SKAP2: variants seen among roughly 807,000 people sequenced by gnomAD.
The protein encoded by SKAP2 is src kinase-associated phosphoprotein 2.
Under a neutral mutation model 54.9 loss-of-function variants are expected in SKAP2, and 28 were observed. That is an observed-to-expected ratio of 0.51 (90% CI 0.38 to 0.70). SKAP2 has a LOEUF of 0.70. Ranked by LOEUF, SKAP2 falls within the 30% of genes least tolerant of loss-of-function variation. SKAP2 has a pLI of 0.00. For synonymous variants in SKAP2, 137 were observed against 134.3 expected, an observed-to-expected ratio of 1.02 and a Z score of -0.14; for missense variants, 356 against 424.1, an observed-to-expected ratio of 0.84 and a Z score of 1.41.
intron 4 of SKAP2, among the ~76,000 whole-genome samples, chr7:26,763,279 C>G (rs1308737677): frequency 6.6e-6 from 1 of 151,984 alleles, no homozygotes; most frequent in African/African-American, 2.4e-5. Context: ...TGAAAATGAT[C>G]TAGTAGCACC....
At chr7:26,823,244 G>A (rs538838130) in intron 4 of SKAP2, among the ~76,000 whole-genome samples, 3 of 152,028 alleles carry the variant, frequency 2.0e-5, no homozygotes, top group Middle Eastern at 6.8e-3. Context: ...TGTCCAACAT[G>A]GTGAAACCTC....
chr7:26,802,141 G>T (rs1161901775), intron 4 of SKAP2, among the ~76,000 whole-genome samples: 3 of 152,022 alleles, frequency 2.0e-5, no homozygotes, highest in African/African-American at 7.2e-5. Flanking sequence ...CATGGTACTG[G>T]CACAAAAACA....
intron 4 of SKAP2, among the ~76,000 whole-genome samples, chr7:26,827,298 T>C (rs1456263245): frequency 1.3e-5 from 2 of 152,146 alleles, no homozygotes; most frequent in Admixed American, 1.3e-4. Flanking sequence ...GCTTTTTAGG[T>C]ATGAAAAAGA....
chr7:26,663,754 G>A (rs1194415106), downstream of SKAP2, among the ~76,000 whole-genome samples: 1 of 152,086 alleles, frequency 6.6e-6, no homozygotes, highest in Non-Finnish European at 1.5e-5. Flanking sequence ...GCTTCACATT[G>A]GAGGAGGTGG....
chr7:26,862,145 C>T (rs1785285075), intron 1 of SKAP2, among the ~76,000 whole-genome samples: 1 of 151,976 alleles, frequency 6.6e-6, no homozygotes, highest in Non-Finnish European at 1.5e-5. Flanking sequence ...TAGTCATATA[C>T]TATTACCCAA....
chr7:26,758,972 A>G (rs1020244445), intron 4 of SKAP2, among the ~76,000 whole-genome samples: 17 of 152,226 alleles, frequency 1.1e-4, no homozygotes, highest in Admixed American at 6.5e-5. Context: ...GGCATTTATG[A>G]CAAATTTTCC....
At position 26,808,160 on chromosome 7, in the gene SKAP2, G is replaced by GC. The variant is rs555877472; in HGVS notation, c.307+35869_307+35870insG. On this transcript the variant is annotated intron_variant, in intron 4 of 12. Transcript: ENST00000345317. ...AATTAATACATCTGTATAGGGCTGTGGTCAAAAGTGTAGGCTCTGCAGTAT... is the reference window on the plus strand; with the variant it reads ...AATTAATACATCTGTATAGGGCTGTGCGTCAAAAGTGTAGGCTCTGCAGTAT... Among the ~76,000 whole-genome samples the GC allele has an allele frequency of 4.6e-4, 70 of 152,082 alleles. 1 individual carries two copies. The South Asian group carries it at 0.014, about 31-fold the overall frequency.
intron 9 of SKAP2, among the ~76,000 whole-genome samples, chr7:26,716,639 T>C (rs915441104): frequency 6.6e-6 from 1 of 152,232 alleles, no homozygotes; most frequent in Non-Finnish European, 1.5e-5. Flanking sequence ...CTTTGATTTC[T>C]TGTTTGTTGC....
chr7:26,850,717 A>G (rs1053932403), intron 3 of SKAP2, among the ~76,000 whole-genome samples: 1 of 152,222 alleles, frequency 6.6e-6, no homozygotes, highest in Non-Finnish European at 1.5e-5. Flanking sequence ...TCAAATGAAT[A>G]ACAAGGACTA....
intron 4 of SKAP2, among the ~76,000 whole-genome samples, chr7:26,800,611 A>C (rs933227639): frequency 1.3e-5 from 2 of 152,204 alleles, no homozygotes; most frequent in Non-Finnish European, 2.9e-5. Context: ...CTTTAGCCAC[A>C]CTAAGAAAAA....
chr7:26,840,625 C>T (rs1490253063), intron 4 of SKAP2, among the ~76,000 whole-genome samples: 1 of 151,938 alleles, frequency 6.6e-6, no homozygotes, highest in East Asian at 1.9e-4. Context: ...ACTGAAACTC[C>T]AATATATCCA....
intron 4 of SKAP2, among the ~76,000 whole-genome samples, chr7:26,764,292 A>G (rs1311759381): frequency 1.3e-5 from 2 of 152,166 alleles, no homozygotes; most frequent in Non-Finnish European, 2.9e-5. Flanking sequence ...AAACTATGCA[A>G]TAAAAAATAG....
intron 9 of SKAP2, among the ~76,000 whole-genome samples, chr7:26,691,919 C>T (rs946717005): frequency 6.6e-6 from 1 of 152,094 alleles, no homozygotes; most frequent in Non-Finnish European, 1.5e-5. Context: ...GGGCCATGAA[C>T]ATCTTGTTAT....
chr7:26,752,581 T>C (rs1196700787), intron 4 of SKAP2, among the ~76,000 whole-genome samples: 3 of 152,202 alleles, frequency 2.0e-5, no homozygotes, highest in Non-Finnish European at 4.4e-5. Flanking sequence ...CCTGTTTGCC[T>C]TGATCAGACT....
chr7:26,706,284 A>C (rs1383161852), intron 9 of SKAP2, among the ~76,000 whole-genome samples: 1 of 152,156 alleles, frequency 6.6e-6, no homozygotes, highest in African/African-American at 2.4e-5. Context: ...AAATTTTATA[A>C]GAGTCAAGGG....
At chr7:26,762,343 T>C (rs1182029478) in intron 4 of SKAP2, among the ~76,000 whole-genome samples, 1 of 152,164 alleles carries the variant, frequency 6.6e-6, no homozygotes, top group Non-Finnish European at 1.5e-5. Context: ...CTTACTCATA[T>C]GGAAATCTTT....
chr7:26,673,091 CAAAA>C (rs1786277290), intron 11 of SKAP2, among the ~76,000 whole-genome samples: 1 of 151,912 alleles, frequency 6.6e-6, no homozygotes, highest in African/African-American at 2.4e-5. Flanking sequence ...ATTTAAAAAA[CAAAA>C]AGGAAAACTC....
intron 2 of SKAP2, 22 bp downstream of exon 2, chr7:26,854,763 A>G (rs148959669): frequency 6.4e-7 from 1 of 1,568,414 alleles, no homozygotes; most frequent in African/African-American, 1.4e-5. Flanking sequence ...AGAAATCAGT[A>G]AACAAAAGGT....
At chr7:26,816,372 T>A (rs1475023103) in intron 4 of SKAP2, among the ~76,000 whole-genome samples, 1 of 152,102 alleles carries the variant, frequency 6.6e-6, no homozygotes, top group Non-Finnish European at 1.5e-5. Context: ...TGGCCTCCTA[T>A]CACTTATGAA....
Sources: gnomAD v4.1 joint callset for allele counts (sites outside exome capture counted in the v4.1 genomes callset) on GRCh38, gnomAD v4.1.1 for gene constraint, MANE v1.5 for transcripts, NCBI Gene and HGNC (gene_info 2026-07-23, HGNC 2026-07-21) for gene names.